The following HERC1 variants were observed in gnomAD, a reference collection of about 807,000 sequenced individuals.
HERC1 encodes the protein HECT and RLD domain containing E3 ubiquitin protein ligase family member 1.
A neutral mutation model predicts 554.3 loss-of-function variants in HERC1; 160 were observed. The observed-to-expected ratio is 0.29, with a 90% CI of 0.25 to 0.33. The LOEUF is 0.33. HERC1 is among the 10% of genes least tolerant of loss of function. The pLI is 1.00. For synonymous variants in HERC1, 2,175 were observed against 2,131.7 expected (o/e 1.02, Z -0.56); for missense variants, 4,919 against 5,918.5 (o/e 0.83, Z 5.54).
chr15:63,616,661 G>A lies in HERC1; in HGVS notation c.13710C>T (p.Ala4570=), dbSNP rs1441265934. 1 of 1,613,638 alleles carries A rather than the reference G, an allele frequency of 6.2e-7. No individual in the cohort carries two copies. Among genetic ancestry groups the A allele is most frequent in the Admixed American group, 1.7e-5 (1 of 60,000 alleles). ...ACTGCATTAAGTGTTCATCGAGGCA[G>A]GCAGAAGGGTTAAAAAGGAACCTGT... The part of the protein sequence containing the change: ...NRDRFLFNPS[A]CLDEHLMQFK... Residue 4570 remains alanine, a synonymous_variant, in exon 75 of 78, where the codon GCC becomes GCT. Transcript: ENST00000443617.
At chr15:63,669,802 G>C (rs996181360) in intron 39 of HERC1, 104 bp from the exon 40 acceptor site, 1 of 998,172 alleles carries the variant, frequency 1.0e-6, no homozygotes, top group East Asian at 2.5e-5. Flanking sequence ...GACTAAACAG[G>C]TTAGTTATAG....
intron 11 of HERC1, 143 bp from the exon 12 acceptor site, chr15:63,747,226 G>A: frequency 6.2e-6 from 4 of 645,368 alleles, no homozygotes; most frequent in Non-Finnish European, 1.0e-5. Flanking sequence ...TTGGGAGGCG[G>A]AGGTGGGTGG....
chr15:63,674,410 T>G lies in HERC1; in HGVS notation c.7778A>C (p.Gln2593Pro). ...AACCACTAATTTATAGATCATGGCT[T>G]GCGCTCGTTCCAGATCAGCTAATCC... ...ALGLADLERA[Q>P]AMIYKLVVHG... Residue 2593 changes from glutamine to proline, a missense_variant, in exon 38 of 78, where the codon CAA becomes CCA. By Grantham distance (76) the Gln-to-Pro change is moderately conservative. Around this residue, in one of 11 missense-constraint regions of HERC1, gnomAD observed 1,963 missense variants for 2,228.6 expected, o/e 0.88. Transcript: ENST00000443617. The G allele has an allele frequency of 6.2e-7, 1 of 1,613,926 alleles. No individual in the cohort carries two copies. Among genetic ancestry groups the G allele is most frequent in the Non-Finnish European group, 8.5e-7 (1 of 1,179,872 alleles).
chr15:63,725,003 A>T (rs1464389658), intron 18 of HERC1, among the ~76,000 whole-genome samples: 3 of 152,216 alleles, frequency 2.0e-5, no homozygotes, highest in Non-Finnish European at 4.4e-5. Context: ...AGCCTCGGAA[A>T]ATAAGTGATG....
In HERC1 at chr15:63,733,165, G is replaced by C. The variant is rs543772774; in HGVS notation, c.2647-20C>G. On this transcript the variant is annotated intron_variant, in intron 13 of 77. Transcript: ENST00000443617. ...CATTCTCTAAAGAACAATAAAATAG[G>C]AACAAGTAACTAGCGTAATATGCAC... 12 of 1,531,290 alleles carry C rather than the reference G, an allele frequency of 7.8e-6. No homozygotes were observed. The highest frequency in any genetic ancestry group is 1.1e-5 in the Non-Finnish European group (12 of 1,105,186). 94.9% of individuals were successfully genotyped at this position (1,531,290 alleles called of 1,614,324 possible).
intron 1 of HERC1, among the ~76,000 whole-genome samples, chr15:63,807,590 T>C (rs1053516915): frequency 6.6e-6 from 1 of 152,218 alleles, no homozygotes; most frequent in African/African-American, 2.4e-5. Context: ...CTAGTCCATT[T>C]ATTTCCTGTC....
intron 34 of HERC1, among the ~76,000 whole-genome samples, chr15:63,684,519 G>T (rs2036438881): frequency 6.6e-6 from 1 of 152,124 alleles, no homozygotes; most frequent in Non-Finnish European, 1.5e-5. Flanking sequence ...GGACAAAAAG[G>T]TCTAGATAAA....
chr15:63,694,586 A>C lies in HERC1; in HGVS notation c.5243-37T>G. The stretch of plus-strand genomic sequence containing the variant: ...AGAGACAGTTAAGAATCTTCCTTTC[A>C]GTAAACAAAGCATTTATTAAAATGA... On this transcript the variant is annotated intron_variant, in intron 28 of 77. Coordinates refer to ENST00000443617, the MANE Select transcript of HERC1 (RefSeq NM_003922.4). The surrounding 1 kb of genome is among the most constrained non-coding windows in gnomAD (Gnocchi z 4.3). 1.9e-6 allele frequency: 3 copies of C among 1,546,770 alleles called. No homozygotes were observed. The highest frequency in any genetic ancestry group is 1.7e-4 in the Middle Eastern group (1 of 5,894).
intron 18 of HERC1, among the ~76,000 whole-genome samples, chr15:63,723,921 T>G (rs1471799893): frequency 1.3e-5 from 2 of 152,218 alleles, no homozygotes; most frequent in Non-Finnish European, 2.9e-5. Flanking sequence ...TCATTTCACA[T>G]TTAAAAATCA....
intron 34 of HERC1, among the ~76,000 whole-genome samples, chr15:63,682,446 C>T (rs2071524816): frequency 1.3e-5 from 2 of 152,108 alleles, no homozygotes; most frequent in African/African-American, 4.8e-5. Flanking sequence ...GCTCTCTCCT[C>T]CAGTGGGAGG....
chr15:63,806,297 T>C (rs1026185043), intron 1 of HERC1, among the ~76,000 whole-genome samples: 1 of 151,934 alleles, frequency 6.6e-6, no homozygotes, highest in African/African-American at 2.4e-5. Flanking sequence ...CCACCTCACC[T>C]ACATAATCTT....
intron 1 of HERC1, among the ~76,000 whole-genome samples, chr15:63,795,065 C>CAAAAAA (rs1177647525): frequency 3.2e-4 from 22 of 68,846 alleles, no homozygotes; most frequent in South Asian, 5.3e-4. Flanking sequence ...GACTCTGTCT[C>CAAAAAA]AAAAAAAAAA....
intron 76 of HERC1, among the ~76,000 whole-genome samples, 181 bp downstream of exon 76, chr15:63,615,587 G>C (rs1475168979): frequency 6.6e-6 from 1 of 152,230 alleles, no homozygotes; most frequent in Non-Finnish European, 1.5e-5. Context: ...TCCAGCCTAG[G>C]CGACAGAGTG....
chr15:63,816,651 TC>T, intron 1 of HERC1, among the ~76,000 whole-genome samples: 1 of 152,280 alleles, frequency 6.6e-6, no homozygotes, highest in Admixed American at 6.5e-5. Flanking sequence ...TATTCAACAT[TC>T]CCAAATTATC....
intron 14 of HERC1, among the ~76,000 whole-genome samples, chr15:63,731,684 T>C (rs1319256942): frequency 6.6e-6 from 1 of 152,106 alleles, no homozygotes; most frequent in Admixed American, 6.5e-5. Context: ...AGACTTGTAT[T>C]GGAAGAAAAA....
Position 63,627,489 on chromosome 15 carries a change from T to C in HERC1, c.13105+1188A>G, listed in dbSNP as rs547390185. On this transcript the variant is annotated intron_variant, in intron 70 of 77. Coordinates refer to ENST00000443617, the MANE Select transcript of HERC1 (RefSeq NM_003922.4). ...AGGAGTTCAAGACCAGCCTGGCCAA[T>C]ATGGCGAAACACCATCTCTACTAAA... Among the ~76,000 whole-genome samples, 14 of 151,928 alleles carry C rather than the reference T, an allele frequency of 9.2e-5. 1 individual carries two copies. The East Asian group carries it at 2.7e-3, about 30-fold the overall frequency.
In HERC1 at chr15:63,765,075, T is replaced by C. The variant is rs115677281; in HGVS notation, c.931-884A>G. Among the ~76,000 whole-genome samples the C allele has an allele frequency of 1.1e-3, 171 of 152,330 alleles. 1 individual carries two copies. The highest frequency in any genetic ancestry group is 4.1e-3 in the African/African-American group (169 of 41,578). On this transcript the variant is annotated intron_variant, in intron 2 of 77. Transcript: ENST00000443617. The stretch of plus-strand genomic sequence containing the variant: ...GACTTATGCAAGAAGCTGCCTTTCC[T>C]TTTGTTCCGAAGCAGATAGCTACAG...
At chr15:63,689,470 AAG>A (rs1246469905) in intron 33 of HERC1, 117 bp downstream of exon 33, 1 of 594,430 alleles carries the variant, frequency 1.7e-6, no homozygotes, top group East Asian at 2.9e-5. Context: ...ACAGAATGCC[AAG>A]AGAGGAAATG....
rs903983074 is a variant in HERC1 at position 63,775,970 on chromosome 15, G to A, written c.-26-321C>T. 3.3e-5 allele frequency among the ~76,000 whole-genome samples: 5 copies of A among 151,696 alleles called. No individual in the cohort carries two copies. Among genetic ancestry groups the A allele is most frequent in the East Asian group, 1.9e-4 (1 of 5,150 alleles). ...GGAGAATCGCTTGAACCTGGGAGGC[G>A]GAGGTTGCAGTGAGCCGAGATCGCG... On this transcript the variant is annotated intron_variant, in intron 1 of 77. Transcript: ENST00000443617. The surrounding 1 kb of genome is among the most constrained non-coding windows in gnomAD (Gnocchi z 4.0).
Sources: allele counts gnomAD v4.1 joint callset (sites outside exome capture counted in the v4.1 genomes callset), GRCh38; gene constraint gnomAD v4.1.1; regional missense constraint gnomAD v4.1.1; non-coding constraint Gnocchi (gnomAD v3.1); transcripts MANE v1.5; gene names NCBI Gene and HGNC (gene_info 2026-07-23, HGNC 2026-07-21).